Variants in CLPX observed in about 807,000 individuals in gnomAD.
CLPX encodes caseinolytic mitochondrial matrix peptidase chaperone subunit X, also known as ATP-dependent clpX-like chaperone, mitochondrial.
CLPX carries 34 observed loss-of-function variants against 76.4 expected under a neutral mutation model. The observed-to-expected ratio is 0.45, with a 90% CI of 0.34 to 0.59. CLPX has a LOEUF of 0.59. CLPX is among the 20% of genes least tolerant of loss of function. The pLI is 0.01. For synonymous variants in CLPX, 248 were observed against 270.9 expected, an observed-to-expected ratio of 0.92 and a Z score of 0.83; for missense variants, 613 against 757.0, an observed-to-expected ratio of 0.81 and a Z score of 2.23.
intron 10 of CLPX, 91 bp downstream of exon 10, chr15:65,155,601 T>C (rs2087778860): frequency 9.2e-7 from 1 of 1,085,142 alleles, no homozygotes; most frequent in Non-Finnish European, 1.4e-6. Flanking sequence ...ATTAAAACTA[T>C]GACTGGTAGC....
intron 3 of CLPX, among the ~76,000 whole-genome samples, chr15:65,176,581 TTTTCTTTTTTTTC>T (rs2088093879): frequency 1.3e-5 from 2 of 151,974 alleles, no homozygotes; most frequent in African/African-American, 2.4e-5. Context: ...AATTATTCTT[TTTTCTTTTTTTTC>T]TTTCTTTTTT....
At chr15:65,151,459 A>G (rs1331498047) in intron 13 of CLPX, among the ~76,000 whole-genome samples, 2 of 130,374 alleles carry the variant, frequency 1.5e-5, no homozygotes, top group Non-Finnish European at 3.5e-5. Flanking sequence ...ACTGGGAGAA[A>G]AAAAAAAAAA....
chr15:65,181,601 A>G (rs1286231937), intron 1 of CLPX, among the ~76,000 whole-genome samples: 1 of 151,770 alleles, frequency 6.6e-6, no homozygotes. Flanking sequence ...AAAGATACAA[A>G]AAGTAGCCAG....
At chr15:65,179,100 A>C in intron 2 of CLPX, 49 bp from the exon 3 acceptor site, 1 of 1,080,646 alleles carries the variant, frequency 9.3e-7, no homozygotes, top group East Asian at 2.4e-5. Flanking sequence ...TATTAGTTTC[A>C]GGCAACCAAC....
Position 65,166,747 on chromosome 15 carries a change from A to G in CLPX, c.397T>C (p.Phe133Leu). ...TCTGCTTCAGATAGCACAACAAAAA[A>G]ATGATGACACTTTTCACACTTGACA... Reference protein sequence around the residue: ...RFVKCEKCHHFFVVLSEADSK... With the variant: ...RFVKCEKCHHLFVVLSEADSK... The change falls in exon 4 of 14, where the codon TTT becomes CTT. Residue 133 changes from phenylalanine (F) to leucine (L), a missense_variant. By Grantham distance (22) the Phe-to-Leu change is conservative (BLOSUM62 0). Coordinates refer to ENST00000300107, the MANE Select transcript of CLPX (RefSeq NM_006660.5). 6.2e-7 allele frequency: 1 copy of G among 1,614,030 alleles called. No homozygotes were observed. Among genetic ancestry groups the G allele is most frequent in the Non-Finnish European group, 8.5e-7 (1 of 1,179,976 alleles).
At chr15:65,169,514 T>C (rs2140635651) in intron 3 of CLPX, among the ~76,000 whole-genome samples, 1 of 151,218 alleles carries the variant, frequency 6.6e-6, no homozygotes, top group African/African-American at 2.4e-5. Flanking sequence ...AGCTTAGGAG[T>C]TCAAGACCAG....
chr15:65,167,602 G>T (rs1036346372), intron 3 of CLPX, among the ~76,000 whole-genome samples: 5 of 151,750 alleles, frequency 3.3e-5, no homozygotes, highest in African/African-American at 1.2e-4. Context: ...TTTTTCGGGC[G>T]TGTTGGCTCA....
chr15:65,157,600 G>A, intron 8 of CLPX, 146 bp downstream of exon 8: 1 of 794,344 alleles, frequency 1.3e-6, no homozygotes, highest in East Asian at 2.9e-5. Context: ...CCCTTAATCA[G>A]TATGCTAGAA....
intron 3 of CLPX, among the ~76,000 whole-genome samples, chr15:65,168,843 T>C (rs1426608407): frequency 6.6e-6 from 1 of 151,612 alleles, no homozygotes; most frequent in Non-Finnish European, 1.5e-5. Context: ...ATGTTAAAGG[T>C]GATTTATTTT....
At position 65,185,260 on chromosome 15, in the gene CLPX, G is replaced by T; in HGVS notation, c.-107C>A. On this transcript the variant is annotated 5_prime_UTR_variant, in exon 1 of 14. Transcript: ENST00000300107. ...GACTCGGTTCCGAACCCTTTCGCGG[G>T]CCCTAGACCCCGTGGAGAGTTCACC... is the stretch of plus-strand genomic sequence containing the variant. 1 of 886,334 alleles carries T rather than the reference G, an allele frequency of 1.1e-6. No individual in the cohort carries two copies. The highest frequency in any genetic ancestry group is 1.8e-6 in the Non-Finnish European group (1 of 568,126). The allele number at this position is 886,334 out of a possible 1,614,324, so 54.9% of individuals were successfully genotyped here.
Position 65,150,056 on chromosome 15 carries a change from T to C in CLPX, c.*767A>G, listed in dbSNP as rs1222424500. On this transcript the variant is annotated 3_prime_UTR_variant, in exon 14 of 14. Coordinates refer to ENST00000300107, the MANE Select transcript of CLPX (RefSeq NM_006660.5). ...GTTTAACTACTTGAAAACTACCTGG[T>C]CCAATTTTTTGTTTTCGCCCTGAGA... The C allele has an allele frequency of 6.6e-6, 1 of 152,238 alleles. No individual in the cohort carries two copies. The highest frequency in any genetic ancestry group is 6.5e-5 in the Admixed American group (1 of 15,268). The allele number at this position is 152,238 out of a possible 1,614,324, so 9.4% of individuals were successfully genotyped here. A position where few individuals can be genotyped will look rare whatever the true frequency, so the allele number is the denominator to read the frequency against.
intron 3 of CLPX, among the ~76,000 whole-genome samples, chr15:65,174,684 A>G (rs1169890585): frequency 6.6e-6 from 1 of 152,268 alleles, no homozygotes; most frequent in Non-Finnish European, 1.5e-5. Context: ...CCCTTGGCAC[A>G]CATAGGAGAC....
rs971592783 is a variant in CLPX, at chr15:65,150,506, TAC to T, written c.*315_*316del. On this transcript the variant is annotated 3_prime_UTR_variant, in exon 14 of 14. Coordinates refer to ENST00000300107, the MANE Select transcript of CLPX (RefSeq NM_006660.5). Reference sequence around the variant, plus strand: ...TGTAGAGTAACATTATTGTAAAATCTACAGTTATCGCAATACCTGCATTGCTT... The same window carrying T: ...TGTAGAGTAACATTATTGTAAAATCTAGTTATCGCAATACCTGCATTGCTT... 12 of 195,400 alleles carry T rather than the reference TAC, an allele frequency of 6.1e-5. No individual in the cohort carries two copies. The highest frequency in any genetic ancestry group is 8.3e-5 in the Non-Finnish European group (8 of 96,856). 12.1% of individuals were successfully genotyped at this position (195,400 alleles called of 1,614,324 possible). A position where few individuals can be genotyped will look rare whatever the true frequency, so the allele number is the denominator to read the frequency against.
At chr15:65,183,516 T>G (rs1456115616) in intron 1 of CLPX, among the ~76,000 whole-genome samples, 23 of 92,402 alleles carry the variant, frequency 2.5e-4, no homozygotes, top group African/African-American at 5.9e-4. Flanking sequence ...AGACAGATAG[T>G]AGATGGAAAG....
rs2087768614 is a variant in CLPX at position 65,154,986 on chromosome 15, G to A, written c.1407C>T (p.His469=). The A allele has an allele frequency of 2.5e-6, 4 of 1,613,986 alleles. No individual in the cohort carries two copies. The South Asian group carries it at 4.4e-5, about 18-fold the overall frequency. ...LANRSGESNT[H]QDIEEKDRLL... ...ACCGATCTTTTTCTTCAATGTCTTGGTGAGTATTCGATTCCCCACTTCGAT... is the reference window on the plus strand; with the variant it reads ...ACCGATCTTTTTCTTCAATGTCTTGATGAGTATTCGATTCCCCACTTCGAT... Residue 469 remains histidine (H), a synonymous_variant, in exon 11 of 14, where the codon CAC becomes CAT. Coordinates refer to ENST00000300107, the MANE Select transcript of CLPX (RefSeq NM_006660.5).
At chr15:65,163,243 G>A (rs535116136) in intron 5 of CLPX, among the ~76,000 whole-genome samples, 3 of 152,186 alleles carry the variant, frequency 2.0e-5, no homozygotes, top group Admixed American at 6.5e-5. Context: ...CAAGTCATCC[G>A]TTAGTTATGA....
intron 10 of CLPX, 76 bp downstream of exon 10, chr15:65,155,616 A>G: frequency 8.3e-7 from 1 of 1,207,386 alleles, no homozygotes; most frequent in African/African-American, 1.5e-5. Context: ...GGTAGCCCGC[A>G]GATATGAGAA....
intron 9 of CLPX, 82 bp downstream of exon 9, chr15:65,156,762 G>A (rs2087794217): frequency 1.2e-6 from 1 of 848,322 alleles, no homozygotes; most frequent in Admixed American, 2.1e-5. Flanking sequence ...CTAATTGAAT[G>A]TGAAACCAAA....
chr15:65,149,695 A>T lies in CLPX; in HGVS notation c.*1128T>A, dbSNP rs548842013. On this transcript the variant is annotated 3_prime_UTR_variant, in exon 14 of 14. Coordinates refer to ENST00000300107, the MANE Select transcript of CLPX (RefSeq NM_006660.5). ...GCCAACAGGGTGAAACCCTGTCTCT[A>T]CTAAAAATACAAAAATTAGCCAGGT... The T allele has an allele frequency of 2.9e-3, 883 of 304,758 alleles. 22 individuals are homozygous for T. Among genetic ancestry groups the T allele is most frequent in the South Asian group, 0.023 (871 of 38,208 alleles). 18.9% of individuals were successfully genotyped at this position (304,758 alleles called of 1,614,324 possible).
Sources: gnomAD v4.1 joint callset for allele counts (sites outside exome capture counted in the v4.1 genomes callset) on GRCh38, gnomAD v4.1.1 for gene constraint, MANE v1.5 for transcripts, NCBI Gene and HGNC (gene_info 2026-07-23, HGNC 2026-07-21) for gene names.